CLSTN2: variants seen among roughly 807,000 people sequenced by gnomAD.
CLSTN2 encodes the protein calsyntenin 2, also known as calsyntenin-2.
In CLSTN2, 48 loss-of-function variants were observed where a neutral mutation model predicts 101.2. That is an observed-to-expected ratio of 0.47 (90% CI 0.38 to 0.60). The LOEUF (loss-of-function observed/expected upper bound fraction) is 0.60, where lower values mean the gene tolerates loss of function less well. CLSTN2 is among the 20% of genes least tolerant of loss of function. The pLI is 0.00. For synonymous variants in CLSTN2, 481 were observed against 463.6 expected (o/e 1.04, Z -0.48); for missense variants, 1,160 against 1,238.2 (o/e 0.94, Z 0.95).
At chr3:140,061,763 T>C (rs565236192) in intron 1 of CLSTN2, among the ~76,000 whole-genome samples, 4 of 152,384 alleles carry the variant, frequency 2.6e-5, no homozygotes, top group Non-Finnish European at 5.9e-5. Context: ...TGCCATGGCC[T>C]GAAAGGACCA....
At chr3:140,061,593 T>C (rs1560083239) in intron 1 of CLSTN2, among the ~76,000 whole-genome samples, 2 of 152,086 alleles carry the variant, frequency 1.3e-5, no homozygotes, top group East Asian at 3.9e-4. Context: ...TGGCCTGGAG[T>C]CCCCTCCAAG....
At chr3:140,071,584 C>A (rs1035461503) in intron 1 of CLSTN2, among the ~76,000 whole-genome samples, 1 of 152,214 alleles carries the variant, frequency 6.6e-6, no homozygotes, top group Non-Finnish European at 1.5e-5. Context: ...GTAATCCCAG[C>A]CCTTTGGGAG....
chr3:140,491,678 C>G (rs1385634036), intron 8 of CLSTN2, among the ~76,000 whole-genome samples: 1 of 152,220 alleles, frequency 6.6e-6, no homozygotes, highest in South Asian at 2.1e-4. Context: ...AAAAATTAGC[C>G]AGACATGGTG....
At chr3:140,476,154 C>T (rs1933978103) in intron 8 of CLSTN2, among the ~76,000 whole-genome samples, 1 of 152,166 alleles carries the variant, frequency 6.6e-6, no homozygotes, top group Admixed American at 6.5e-5. Context: ...ACGATATTTT[C>T]TGTCACTTCC....
intron 6 of CLSTN2, 142 bp from the exon 7 acceptor site, chr3:140,459,379 T>A: frequency 1.1e-6 from 1 of 937,482 alleles, no homozygotes; most frequent in African/African-American, 1.6e-5. Context: ...TTAGCACTTC[T>A]TTTCCTAAGT....
chr3:140,113,466 T>C (rs567310656), intron 1 of CLSTN2, among the ~76,000 whole-genome samples: 53 of 152,356 alleles, frequency 3.5e-4, no homozygotes, highest in Admixed American at 3.9e-4. Flanking sequence ...AGCACTTGTC[T>C]GAGCCGTCTC....
At chr3:139,962,040 T>C (rs946957642) in intron 1 of CLSTN2, among the ~76,000 whole-genome samples, 2 of 152,110 alleles carry the variant, frequency 1.3e-5, no homozygotes, top group Admixed American at 6.5e-5. Context: ...TTGAGCAGGA[T>C]TTTTTTGGTC....
intron 2 of CLSTN2, among the ~76,000 whole-genome samples, chr3:140,358,101 C>T (rs943514425): frequency 1.3e-5 from 2 of 152,028 alleles, no homozygotes; most frequent in South Asian, 2.1e-4. Flanking sequence ...GGTAGGACTC[C>T]CCAGGCTCTG....
intron 12 of CLSTN2, among the ~76,000 whole-genome samples, chr3:140,561,107 T>C (rs115252016): frequency 0.038 from 5,836 of 152,046 alleles, 401 homozygotes; most frequent in African/African-American, 0.13. Context: ...TCTGTTTTAA[T>C]AAATGTTTTA....
chr3:140,554,843 C>T (rs189847691), intron 10 of CLSTN2, among the ~76,000 whole-genome samples: 15 of 152,160 alleles, frequency 9.9e-5, no homozygotes, highest in Admixed American at 2.0e-4. Flanking sequence ...ACAGAAAGAG[C>T]TCCAAGATAT....
rs1221794961 is a variant in CLSTN2, at chr3:140,006,846, G to A, written c.109+71363G>A. 4.6e-5 allele frequency among the ~76,000 whole-genome samples: 7 copies of A among 151,996 alleles called. No individual in the cohort carries two copies. In the East Asian group the frequency reaches 1.4e-3, roughly 29 times the overall value. On this transcript the variant is annotated intron_variant, in intron 1 of 16. Coordinates refer to ENST00000458420, the MANE Select transcript of CLSTN2 (RefSeq NM_022131.3). ...TAGCTCTATCAATAGTAGCTCTAAT[G>A]ATTAGGATGAAATGAGGGAGGCGCT...
intron 1 of CLSTN2, among the ~76,000 whole-genome samples, chr3:140,097,321 C>T (rs1305711536): frequency 2.0e-5 from 3 of 152,118 alleles, no homozygotes; most frequent in Admixed American, 1.3e-4. Flanking sequence ...CCTCTCTCTA[C>T]CCTACTTTTA....
At chr3:140,544,307 G>A (rs1357987963) in intron 9 of CLSTN2, among the ~76,000 whole-genome samples, 1 of 152,160 alleles carries the variant, frequency 6.6e-6, no homozygotes, top group Admixed American at 6.5e-5. Context: ...TGCCATCCAG[G>A]AGAGAAAGAC....
chr3:140,067,244 G>A (rs2107775347), intron 1 of CLSTN2, among the ~76,000 whole-genome samples: 1 of 152,178 alleles, frequency 6.6e-6, no homozygotes, highest in Middle Eastern at 3.4e-3. Context: ...CATGCTTGGG[G>A]CTGAACAGCA....
At chr3:140,393,536 G>C (rs1289926613) in intron 2 of CLSTN2, among the ~76,000 whole-genome samples, 1 of 152,224 alleles carries the variant, frequency 6.6e-6, no homozygotes, top group Non-Finnish European at 1.5e-5. Context: ...TACAGGAGGT[G>C]GCTGCTTACA....
Position 140,013,559 on chromosome 3 carries a change from T to C in CLSTN2, c.109+78076T>C, listed in dbSNP as rs374224553. On this transcript the variant is annotated intron_variant, in intron 1 of 16. Coordinates refer to ENST00000458420, the MANE Select transcript of CLSTN2 (RefSeq NM_022131.3). ...GAAATATCTCTTTTCTGAGGCTTTT[T>C]CAATCCAAATATATAAACTGCATAT... 1.2e-4 allele frequency among the ~76,000 whole-genome samples: 19 copies of C among 152,304 alleles called. No individual in the cohort carries two copies. The East Asian group carries it at 2.9e-3, about 23-fold the overall frequency.
At chr3:139,936,608 C>T (rs1475204870) in intron 1 of CLSTN2, among the ~76,000 whole-genome samples, 1 of 152,084 alleles carries the variant, frequency 6.6e-6, no homozygotes, top group Non-Finnish European at 1.5e-5. Context: ...CTGATTCGGA[C>T]GCTTGCTTTG....
intron 1 of CLSTN2, among the ~76,000 whole-genome samples, chr3:140,018,713 AC>A (rs1057514204): frequency 6.6e-6 from 1 of 152,118 alleles, no homozygotes; most frequent in Non-Finnish European, 1.5e-5. Flanking sequence ...GCAGAGTAAG[AC>A]AGTTTGTGTG....
chr3:139,935,554 G>C lies in CLSTN2; in HGVS notation c.109+71G>C, dbSNP rs537196191. 89 of 794,168 alleles carry C rather than the reference G, an allele frequency of 1.1e-4. No homozygotes were observed. In the South Asian group the frequency reaches 3.4e-3, roughly 31 times the overall value. 49.2% of individuals were successfully genotyped at this position (794,168 alleles called of 1,614,324 possible). ...CAGGCTTGAGGGTGAAAGCGGCAAGGACCTAGGCTCAAGCTGGATTTGCCC... is the reference window on the plus strand; with the variant it reads ...CAGGCTTGAGGGTGAAAGCGGCAAGCACCTAGGCTCAAGCTGGATTTGCCC... On this transcript the variant is annotated intron_variant, in intron 1 of 16. Coordinates refer to ENST00000458420, the MANE Select transcript of CLSTN2 (RefSeq NM_022131.3). This position sits in a 1 kb window ranked among gnomAD's most constrained non-coding sequence, Gnocchi z 5.5.
Sources: gnomAD v4.1 joint callset for allele counts (sites outside exome capture counted in the v4.1 genomes callset) on GRCh38, gnomAD v4.1.1 for gene constraint, Gnocchi (gnomAD v3.1) non-coding constraint, MANE v1.5 for transcripts, NCBI Gene and HGNC (gene_info 2026-07-23, HGNC 2026-07-21) for gene names.